The following CDK13 variants were observed in gnomAD, a reference collection of about 807,000 sequenced individuals.
The protein encoded by CDK13 is cyclin-dependent kinase 13.
CDK13 carries 40 observed loss-of-function variants against 137.6 expected under a neutral mutation model. That is an observed-to-expected ratio of 0.29 (90% confidence interval 0.23 to 0.38). The LOEUF is 0.38. Ranked by LOEUF, CDK13 falls within the 10% of genes least tolerant of loss-of-function variation. CDK13 has a pLI of 1.00. For synonymous variants in CDK13, 869 were observed against 760.1 expected, an observed-to-expected ratio of 1.14 and a Z score of -2.36; for missense variants, 1,704 against 1,951.8, an observed-to-expected ratio of 0.87 and a Z score of 2.39.
Position 39,997,673 on chromosome 7 carries a change from T to C in CDK13, c.2042+9T>C. On this transcript the variant is annotated intron_variant, in intron 3 of 13. Transcript: ENST00000181839. ...AGTAAAAGGAGGCCTAAGTATGTGC[T>C]TGCTTTCTACCTGCTCTTAAATTGA... 6.2e-7 allele frequency: 1 copy of C among 1,607,350 alleles called. No individual in the cohort carries two copies. The highest frequency in any genetic ancestry group is 1.1e-5 in the South Asian group (1 of 89,982).
At chr7:40,066,463 A>G (rs886560418) in intron 9 of CDK13, among the ~76,000 whole-genome samples, 1 of 152,184 alleles carries the variant, frequency 6.6e-6, no homozygotes, top group African/African-American at 2.4e-5. Context: ...AAGACTATGT[A>G]TTTATCCCAC....
Position 39,951,543 on chromosome 7 carries a change from G to T in CDK13, c.902G>T (p.Arg301Leu). 6.5e-7 allele frequency: 1 copy of T among 1,537,462 alleles called. No homozygotes were observed. The highest frequency in any genetic ancestry group is 8.7e-7 in the Non-Finnish European group (1 of 1,144,396). ...TACAAGGAACCGCCCAAGGCCTACC[G>T]GGAGGACAAGACCGAGCCTAAGGCC... ...SAYKEPPKAYREDKTEPKAYR... is the reference protein window; with the variant it reads ...SAYKEPPKAYLEDKTEPKAYR... Residue 301 changes from arginine to leucine, a missense_variant, in exon 1 of 14, where the codon CGG becomes CTG. Coordinates refer to ENST00000181839, the MANE Select transcript of CDK13 (RefSeq NM_003718.5).
intron 11 of CDK13, among the ~76,000 whole-genome samples, chr7:40,079,876 G>C (rs1382996260): frequency 1.3e-5 from 2 of 152,132 alleles, no homozygotes; most frequent in African/African-American, 2.4e-5. Context: ...AACTTCAAAT[G>C]GCTCCTGTTA....
At chr7:40,023,483 C>G (rs1459159047) in intron 5 of CDK13, among the ~76,000 whole-genome samples, 1 of 151,414 alleles carries the variant, frequency 6.6e-6, no homozygotes, top group Non-Finnish European at 1.5e-5. Flanking sequence ...CCTGCCCTAG[C>G]CTTCAACCTT....
intron 1 of CDK13, among the ~76,000 whole-genome samples, chr7:39,964,148 A>T (rs1783813327): frequency 1.3e-5 from 2 of 152,152 alleles, no homozygotes. Flanking sequence ...TGAGTTAGGG[A>T]GGGTTCCCTC....
chr7:39,961,352 C>G (rs774144636), intron 1 of CDK13, among the ~76,000 whole-genome samples: 2 of 152,184 alleles, frequency 1.3e-5, no homozygotes, highest in Non-Finnish European at 2.9e-5. Flanking sequence ...AAGCAAGACT[C>G]TGTCTCAAAC....
chr7:39,951,881 C>T (rs1787231006), intron 1 of CDK13, 29 bp downstream of exon 1: 2 of 1,335,498 alleles, frequency 1.5e-6, no homozygotes, highest in South Asian at 2.3e-5. Context: ...CCTGTGTGTG[C>T]CTTGGCTGCG....
chr7:40,023,705 T>C lies in CDK13; in HGVS notation c.2353+21674T>C, dbSNP rs1226791439. The stretch of plus-strand genomic sequence containing the variant: ...TAATAGAGACGGGGTTTCACCATGT[T>C]AGCCAGGATGGTCTCGTGATCCGCC... On this transcript the variant is annotated intron_variant, in intron 5 of 13. Transcript: ENST00000181839. Among the ~76,000 whole-genome samples the C allele has an allele frequency of 2.6e-5, 4 of 151,898 alleles. No individual in the cohort carries two copies. The East Asian group carries it at 7.8e-4, about 30-fold the overall frequency.
At chr7:40,055,122 C>T (rs891326646) in intron 7 of CDK13, among the ~76,000 whole-genome samples, 1 of 149,226 alleles carries the variant, frequency 6.7e-6, no homozygotes, top group African/African-American at 2.5e-5. Context: ...ATTGAAGTTA[C>T]TAAATTTTGT....
chr7:39,951,326 T>C lies in CDK13; in HGVS notation c.685T>C (p.Ser229Pro). 1 of 1,433,434 alleles carries C rather than the reference T, an allele frequency of 7.0e-7. No homozygotes were observed. Among genetic ancestry groups the C allele is most frequent in the Non-Finnish European group, 9.1e-7 (1 of 1,102,738 alleles). The allele number at this position is 1,433,434 out of a possible 1,614,324, so 88.8% of individuals were successfully genotyped here. Residue 229 changes from serine (S) to proline (P), a missense_variant, in exon 1 of 14, where the codon TCC (serine) becomes CCC (proline). Coordinates refer to ENST00000181839, the MANE Select transcript of CDK13 (RefSeq NM_003718.5). ...TGGGCAGCGCGGTGGCAGCGAGGCC[T>C]CCAAGTCCCGCAGCCGCCACAGCCA... ...RDGQRGGSEA[S>P]KSRSRHSHSG...
intron 1 of CDK13, among the ~76,000 whole-genome samples, chr7:39,957,404 C>G (rs1708550269): frequency 7.0e-6 from 1 of 142,744 alleles, no homozygotes; most frequent in Non-Finnish European, 1.6e-5. Flanking sequence ...GTTTTCCCTA[C>G]TAGATTGTAA....
chr7:40,013,318 G>A (rs1424881942), intron 5 of CDK13, among the ~76,000 whole-genome samples: 2 of 152,150 alleles, frequency 1.3e-5, no homozygotes, highest in Admixed American at 6.5e-5. Context: ...AAAGAGTTGT[G>A]GAGAGGGGTG....
chr7:39,950,334 G>A lies in CDK13; in HGVS notation c.-308G>A, dbSNP rs192558432. Reference sequence around the variant, plus strand: ...CCCCGGGGGCACTTGGAGGACTCGGGACTCCCCCGCAGGTCAGCGCCCGGC... The same window carrying A: ...CCCCGGGGGCACTTGGAGGACTCGGAACTCCCCCGCAGGTCAGCGCCCGGC... On this transcript the variant is annotated 5_prime_UTR_variant, in exon 1 of 14. Transcript: ENST00000181839. The A allele has an allele frequency of 8.3e-5, 96 of 1,152,496 alleles. 1 individual carries two copies. The African/African-American group carries it at 1.4e-3, about 17-fold the overall frequency. The allele number at this position is 1,152,496 out of a possible 1,614,324, so 71.4% of individuals were successfully genotyped here.
intron 11 of CDK13, among the ~76,000 whole-genome samples, chr7:40,081,080 T>C (rs1302007656): frequency 6.6e-6 from 1 of 152,172 alleles, no homozygotes; most frequent in Non-Finnish European, 1.5e-5. Context: ...AATCACTCTC[T>C]AGGGAAGAGA....
At chr7:39,970,389 C>T in intron 1 of CDK13, among the ~76,000 whole-genome samples, 1 of 152,168 alleles carries the variant, frequency 6.6e-6, no homozygotes, top group East Asian at 1.9e-4. Context: ...GCATGTTTCT[C>T]AGTCTACTTT....
rs1293965191 is a variant in CDK13 at position 40,078,010 on chromosome 7, T to C, written c.2786T>C (p.Ile929Thr). ...ELAQLELISR[I>T]CGSPCPAVWP... is the part of the protein sequence containing the mutation. ...TCCTTTTGTGTGTTGCTTAGCCGAA[T>C]ATGTGGGAGTCCATGTCCTGCAGTG... The change falls in exon 10 of 14, where the codon ATA becomes ACA. Residue 929 changes from isoleucine (I) to threonine (T), a missense_variant. By Grantham distance (89) the Ile-to-Thr change is moderately conservative (BLOSUM62 -1). Transcript: ENST00000181839. 1 of 1,530,750 alleles carries C rather than the reference T, an allele frequency of 6.5e-7. No individual in the cohort carries two copies. The highest frequency in any genetic ancestry group is 8.8e-7 in the Non-Finnish European group (1 of 1,134,862). The allele number at this position is 1,530,750 out of a possible 1,614,324, so 94.8% of individuals were successfully genotyped here.
intron 1 of CDK13, among the ~76,000 whole-genome samples, chr7:39,977,564 T>TA (rs1784136734): frequency 6.6e-6 from 1 of 152,196 alleles, no homozygotes; most frequent in African/African-American, 2.4e-5. Flanking sequence ...TGTGCTGAGA[T>TA]ACGAAGTATC....
At chr7:40,079,317 G>A (rs2150536780) in intron 11 of CDK13, among the ~76,000 whole-genome samples, 1 of 152,226 alleles carries the variant, frequency 6.6e-6, no homozygotes, top group East Asian at 1.9e-4. Flanking sequence ...TACTTGGGAG[G>A]CTGAGGCAGG....
intron 1 of CDK13, among the ~76,000 whole-genome samples, chr7:39,968,829 T>TG (rs1783931842): frequency 6.6e-6 from 1 of 152,214 alleles, no homozygotes; most frequent in African/African-American, 2.4e-5. Flanking sequence ...GAGTCTTGAA[T>TG]GGGGCATTTA....
Sources: allele counts gnomAD v4.1 joint callset (sites outside exome capture counted in the v4.1 genomes callset), GRCh38; gene constraint gnomAD v4.1.1; transcripts MANE v1.5; gene names NCBI Gene and HGNC (gene_info 2026-07-23, HGNC 2026-07-21).